The following SLC25A30 variants were observed in gnomAD, a reference collection of about 807,000 sequenced individuals.
SLC25A30 encodes kidney mitochondrial carrier protein 1.
Under a neutral mutation model 42.7 loss-of-function variants are expected in SLC25A30, and 29 were observed. That is an observed-to-expected ratio of 0.68 (90% CI 0.51 to 0.93). SLC25A30 has a LOEUF of 0.93. Among genes scored for constraint, SLC25A30 ranks in the 40% least tolerant of loss-of-function variants. The pLI is 0.00. For synonymous variants in SLC25A30, 124 were observed against 131.0 expected (o/e 0.95, Z 0.37); for missense variants, 300 against 359.7 (o/e 0.83, Z 1.34).
chr13:45,395,985 A>G lies in SLC25A30; in HGVS notation c.865T>C (p.Leu289=), dbSNP rs369438039. Residue 289 remains leucine (L), a synonymous_variant, in exon 10 of 10, where the codon TTG becomes CTG. Transcript: ENST00000519676. Reference sequence around the variant, plus strand: ...GCAGCCTTGGCTTGTCACAAATCCAATTTCTTCAACTGCTCGTATGTCACA... The same window carrying G: ...GCAGCCTTGGCTTGTCACAAATCCAGTTTCTTCAACTGCTCGTATGTCACA... The part of the protein sequence containing the change: ...FFVTYEQLKK[L]DL 1.9e-5 allele frequency: 31 copies of G among 1,614,026 alleles called. No individual in the cohort carries two copies. Among genetic ancestry groups the G allele is most frequent in the Non-Finnish European group, 2.5e-5 (29 of 1,180,028 alleles).
In SLC25A30 at chr13:45,395,447, G is replaced by A. The variant is rs182052979; in HGVS notation, c.*527C>T. ...TGATAAAGCAGTGTGATATTCCTAG[G>A]ATCCATTTCCTGCACCGTTTATACC... On this transcript the variant is annotated 3_prime_UTR_variant, in exon 10 of 10. Transcript: ENST00000519676. 1.8e-3 allele frequency: 1,742 copies of A among 988,660 alleles called. 3 individuals are homozygous for A. The highest frequency in any genetic ancestry group is 2.0e-3 in the Admixed American group (34 of 17,046). 61.2% of individuals were successfully genotyped at this position (988,660 alleles called of 1,614,324 possible).
intron 8 of SLC25A30, chr13:45,398,222 C>T (rs995968859): frequency 5.9e-6 from 1 of 169,642 alleles, no homozygotes; most frequent in Non-Finnish European, 1.2e-5. Context: ...GATCAAAAAC[C>T]ACATGTTCTC....
At chr13:45,432,808 C>T in the SLC25A30 span, among the ~76,000 whole-genome samples, 7 of 151,100 alleles carry the variant, frequency 4.6e-5, no homozygotes, top group African/African-American at 1.2e-4. Context: ...GCAGGCAGAT[C>T]GCTTGAGCTC....
intron 6 of SLC25A30, among the ~76,000 whole-genome samples, chr13:45,401,668 TAA>T (rs111279387): frequency 1.4e-5 from 2 of 143,376 alleles, no homozygotes; most frequent in Non-Finnish European, 1.5e-5. Context: ...CATAAGAATT[TAA>T]AAAAAAAAAA....
Position 45,405,865 on chromosome 13 carries a change from A to G in SLC25A30, c.307+18T>C, listed in dbSNP as rs759443876. 10 of 1,613,144 alleles carry G rather than the reference A, an allele frequency of 6.2e-6. No homozygotes were observed. The highest frequency in any genetic ancestry group is 8.5e-6 in the Non-Finnish European group (10 of 1,179,196). On this transcript the variant is annotated intron_variant, in intron 4 of 9. Transcript: ENST00000519676. ...AACCAACCTCCTGTCCACAGTGGAAAACAGATTCCCCACTCACCTTCTGGG... is the reference window on the plus strand; with the variant it reads ...AACCAACCTCCTGTCCACAGTGGAAGACAGATTCCCCACTCACCTTCTGGG...
At chr13:45,423,892 T>C in the SLC25A30 span, among the ~76,000 whole-genome samples, 1 of 76,902 alleles carries the variant, frequency 1.3e-5, no homozygotes, top group African/African-American at 5.2e-5. Context: ...AATATATATA[T>C]AAATATATAT....
the SLC25A30 span, among the ~76,000 whole-genome samples, chr13:45,426,518 C>A: frequency 1.3e-5 from 2 of 152,132 alleles, no homozygotes; most frequent in African/African-American, 4.8e-5. Flanking sequence ...TTTGCTGATC[C>A]CTACGTGAAC....
intron 1 of SLC25A30, among the ~76,000 whole-genome samples, chr13:45,414,420 C>T (rs1368547118): frequency 2.6e-5 from 4 of 152,054 alleles, no homozygotes; most frequent in Non-Finnish European, 4.4e-5. Context: ...GAGTTCAAGA[C>T]CACCTGGCCA....
the SLC25A30 span, among the ~76,000 whole-genome samples, chr13:45,426,725 C>G: frequency 3.9e-5 from 6 of 152,124 alleles, no homozygotes; most frequent in African/African-American, 1.4e-4. Context: ...ACAAGATTCT[C>G]TTAATACAAT....
At chr13:45,404,226 A>G in intron 5 of SLC25A30, 101 bp downstream of exon 5, 3 of 816,902 alleles carry the variant, frequency 3.7e-6, no homozygotes, top group East Asian at 2.5e-5. Flanking sequence ...AAACAGATTC[A>G]CATATACACA....
chr13:45,424,152 T>C, the SLC25A30 span, among the ~76,000 whole-genome samples: 2 of 87,202 alleles, frequency 2.3e-5, no homozygotes, highest in Non-Finnish European at 2.0e-5. Context: ...AATATAAGTA[T>C]ATATATAGAA....
At chr13:45,419,889 C>CGCTGCACTCTAGCT (rs1342757782), upstream of SLC25A30, among the ~76,000 whole-genome samples, 67 of 151,264 alleles carry the variant, frequency 4.4e-4, 1 homozygote, top group Admixed American at 1.3e-3. Flanking sequence ...GAGATCACGC[C>CGCTGCACTCTAGCT]GCTGCACTCT....
the SLC25A30 span, among the ~76,000 whole-genome samples, chr13:45,425,590 A>T: frequency 1.3e-5 from 1 of 77,540 alleles, no homozygotes; most frequent in African/African-American, 6.3e-5. Flanking sequence ...ATATAAATAT[A>T]TATATACATA....
chr13:45,395,538 A>T lies in SLC25A30; in HGVS notation c.*436T>A, dbSNP rs973131024. The T allele has an allele frequency of 1.9e-6, 2 of 1,052,186 alleles. No homozygotes were observed. Among genetic ancestry groups the T allele is most frequent in the Non-Finnish European group, 2.3e-6 (2 of 869,282 alleles). The allele number at this position is 1,052,186 out of a possible 1,614,324, so 65.2% of individuals were successfully genotyped here. A position where few individuals can be genotyped will look rare whatever the true frequency, so the allele number is the denominator to read the frequency against. ...CAGTTGACAAGGAGCAAAATCTCCC[A>T]GAAATTCAGAAACCATAACACCTTC... On this transcript the variant is annotated 3_prime_UTR_variant, in exon 10 of 10. Transcript: ENST00000519676.
At chr13:45,402,640 T>C (rs1479155822) in intron 5 of SLC25A30, 1 of 444,300 alleles carries the variant, frequency 2.3e-6, no homozygotes, top group East Asian at 1.6e-4. Context: ...AAGGAGAAAC[T>C]GATTTTTGTG....
intron 4 of SLC25A30, among the ~76,000 whole-genome samples, chr13:45,404,783 A>C (rs756154348): frequency 6.6e-6 from 1 of 152,210 alleles, no homozygotes; most frequent in Non-Finnish European, 1.5e-5. Flanking sequence ...ACGCCACTGT[A>C]CTCCAGCCTG....
intron 9 of SLC25A30, chr13:45,396,753 CAGAGT>C (rs1473886087): frequency 6.4e-6 from 1 of 157,338 alleles, no homozygotes; most frequent in Non-Finnish European, 1.4e-5. Flanking sequence ...GCCTGGGCGA[CAGAGT>C]AAAGACTCAG....
At chr13:45,424,257 G>A in the SLC25A30 span, among the ~76,000 whole-genome samples, 448 of 822 alleles carry the variant, frequency 0.55, 206 homozygotes, top group Middle Eastern at 1. Context: ...ATAAATATAT[G>A]TAAATATATA....
upstream of SLC25A30, among the ~76,000 whole-genome samples, chr13:45,419,889 CGCTGCACTCTAGCT>C (rs1342757782): frequency 5.7e-4 from 86 of 151,264 alleles, no homozygotes; most frequent in South Asian, 1.9e-3. Flanking sequence ...GAGATCACGC[CGCTGCACTCTAGCT>C]GCTGCACTCT....
Sources: gnomAD v4.1 joint callset for allele counts (sites outside exome capture counted in the v4.1 genomes callset) on GRCh38, gnomAD v4.1.1 for gene constraint, MANE v1.5 for transcripts, NCBI Gene and HGNC (gene_info 2026-07-23, HGNC 2026-07-21) for gene names.